Variants in ATRNL1 observed in about 807,000 individuals in gnomAD.
ATRNL1 encodes the protein attractin-like protein 1.
ATRNL1 carries 95 observed loss-of-function variants against 182.7 expected under a neutral mutation model. The observed-to-expected ratio is 0.52, with a 90% confidence interval of 0.44 to 0.62. The LOEUF (loss-of-function observed/expected upper bound fraction) is 0.62. ATRNL1 is among the 20% of genes least tolerant of loss of function. The pLI is 0.00. For missense variants in ATRNL1, 1,471 were observed against 1,679.5 expected, an observed-to-expected ratio of 0.88 and a Z score of 2.17; for synonymous variants, 576 against 568.3, an observed-to-expected ratio of 1.01 and a Z score of -0.19.
intron 9 of ATRNL1, among the ~76,000 whole-genome samples, chr10:115,239,023 G>A (rs1341645880): frequency 2.6e-5 from 4 of 152,046 alleles, no homozygotes; most frequent in Non-Finnish European, 5.9e-5. Flanking sequence ...ATGATGGATT[G>A]AATCAATTGA....
At chr10:115,457,683 G>A (rs1421013895) in intron 21 of ATRNL1, among the ~76,000 whole-genome samples, 3 of 151,992 alleles carry the variant, frequency 2.0e-5, no homozygotes, top group Non-Finnish European at 2.9e-5. Flanking sequence ...TATAAAGGGA[G>A]CTTCCAAATG....
chr10:115,760,751 G>A (rs751294337), intron 27 of ATRNL1, among the ~76,000 whole-genome samples: 10 of 152,094 alleles, frequency 6.6e-5, no homozygotes, highest in Non-Finnish European at 8.8e-5. Context: ...CAATATTTTT[G>A]TTCTACTTGT....
At chr10:115,337,762 A>G (rs1855561404) in intron 19 of ATRNL1, among the ~76,000 whole-genome samples, 1 of 152,178 alleles carries the variant, frequency 6.6e-6, no homozygotes, top group African/African-American at 2.4e-5. Flanking sequence ...TAAAAAATAT[A>G]TACCACATTT....
At chr10:115,816,688 G>A (rs990753215) in intron 27 of ATRNL1, among the ~76,000 whole-genome samples, 4 of 151,860 alleles carry the variant, frequency 2.6e-5, no homozygotes, top group Non-Finnish European at 5.9e-5. Context: ...CCTCTACTAC[G>A]CACTTTAACT....
chr10:115,492,923 G>A (rs1565100027), intron 24 of ATRNL1, among the ~76,000 whole-genome samples: 1 of 151,990 alleles, frequency 6.6e-6, no homozygotes, highest in African/African-American at 2.4e-5. Context: ...GATTACAGGC[G>A]TGAGTCACCG....
At chr10:115,531,593 A>G (rs1851586516) in intron 25 of ATRNL1, among the ~76,000 whole-genome samples, 1 of 150,072 alleles carries the variant, frequency 6.7e-6, no homozygotes, top group Non-Finnish European at 1.5e-5. Context: ...GTTCACTCTG[A>G]TGGTAGTTTC....
intron 1 of ATRNL1, among the ~76,000 whole-genome samples, chr10:115,115,311 T>G (rs1229194815): frequency 6.6e-6 from 1 of 152,088 alleles, no homozygotes; most frequent in Non-Finnish European, 1.5e-5. Context: ...TTCTATTATT[T>G]CGTTGGCGTT....
At chr10:115,527,589 A>G (rs1851288850) in intron 25 of ATRNL1, among the ~76,000 whole-genome samples, 1 of 152,110 alleles carries the variant, frequency 6.6e-6, no homozygotes, top group Admixed American at 6.5e-5. Context: ...AGTTTCAGTA[A>G]TATTTGTGTC....
chr10:115,363,446 A>C (rs1856853841), intron 19 of ATRNL1, among the ~76,000 whole-genome samples: 1 of 144,986 alleles, frequency 6.9e-6, no homozygotes, highest in African/African-American at 2.5e-5. Context: ...AGGTTGCAAA[A>C]ATTTTCTCCC....
At position 115,549,731 on chromosome 10, in the gene ATRNL1, A is replaced by G. The variant is rs557427128; in HGVS notation, c.3795+195A>G. ...ACTGTAATTTTAAGTTAGTATTTGTAAAAGCATTGGTTTGTTGCAAACAGT... is the reference window on the plus strand; with the variant it reads ...ACTGTAATTTTAAGTTAGTATTTGTGAAAGCATTGGTTTGTTGCAAACAGT... On this transcript the variant is annotated intron_variant, in intron 26 of 28. Coordinates refer to ENST00000355044, the MANE Select transcript of ATRNL1 (RefSeq NM_207303.4). Among the ~76,000 whole-genome samples the G allele has an allele frequency of 2.6e-5, 4 of 152,124 alleles. No homozygotes were observed. In the South Asian group the frequency reaches 8.3e-4, roughly 31 times the overall value.
chr10:115,116,792 A>C (rs1554870085), intron 1 of ATRNL1, among the ~76,000 whole-genome samples: 1 of 152,038 alleles, frequency 6.6e-6, no homozygotes, highest in African/African-American at 2.4e-5. Context: ...ACCTTTTTGT[A>C]GTAAGTGGAG....
rs1212309912 is a variant in ATRNL1 at position 115,586,471 on chromosome 10, C to T, written c.3795+36935C>T. Among the ~76,000 whole-genome samples, 8 of 103,244 alleles carry T rather than the reference C, an allele frequency of 7.7e-5. 1 individual carries two copies. The highest frequency in any genetic ancestry group is 5.2e-4 in the South Asian group (1 of 1,926). The allele number at this position is 103,244 out of a possible 152,430, so 67.7% of individuals were successfully genotyped here. A position where few individuals can be genotyped will look rare whatever the true frequency, so the allele number is the denominator to read the frequency against. ...TTCGTTTCTTTTTATTCTTTTTTCT[C>T]TAAACTTCCTTTCTCACTTCATTTC... On this transcript the variant is annotated intron_variant, in intron 26 of 28. Coordinates refer to ENST00000355044, the MANE Select transcript of ATRNL1 (RefSeq NM_207303.4).
intron 17 of ATRNL1, among the ~76,000 whole-genome samples, chr10:115,313,923 A>G (rs1206415710): frequency 6.6e-6 from 1 of 152,176 alleles, no homozygotes; most frequent in Non-Finnish European, 1.5e-5. Context: ...ACTTTTGAAA[A>G]CAATTAGAAT....
At chr10:115,713,675 T>TTCTATCTATCTATCTA (rs56673702) in intron 26 of ATRNL1, among the ~76,000 whole-genome samples, 1,648 of 114,260 alleles carry the variant, frequency 0.014, 14 homozygotes, top group East Asian at 0.044. Flanking sequence ...AGGTTCTGTT[T>TTCTATCTATCTATCTA]TCTATCTATC....
intron 27 of ATRNL1, among the ~76,000 whole-genome samples, chr10:115,732,403 A>G (rs1382523759): frequency 1.3e-5 from 2 of 152,204 alleles, no homozygotes; most frequent in Admixed American, 6.5e-5. Context: ...TTTGGAATCT[A>G]AAAGTGTGAG....
At chr10:115,315,806 T>A in intron 18 of ATRNL1, 70 bp downstream of exon 18, 2 of 1,311,606 alleles carry the variant, frequency 1.5e-6, no homozygotes, top group Non-Finnish European at 2.1e-6. Context: ...TTTGTTCTTA[T>A]AATAAAGAAA....
chr10:115,925,115 T>G (rs1953184581), intron 28 of ATRNL1, among the ~76,000 whole-genome samples: 1 of 152,178 alleles, frequency 6.6e-6, no homozygotes, highest in Non-Finnish European at 1.5e-5. Flanking sequence ...GAGACTTTGC[T>G]GAAGTTGCTT....
At chr10:115,146,106 A>G (rs1269289377) in intron 5 of ATRNL1, among the ~76,000 whole-genome samples, 9 of 152,014 alleles carry the variant, frequency 5.9e-5, no homozygotes, top group Non-Finnish European at 1.2e-4. Flanking sequence ...AGCAACCTGC[A>G]TTTGATAGAA....
At chr10:115,111,829 C>CT (rs1402952565) in intron 1 of ATRNL1, among the ~76,000 whole-genome samples, 1 of 152,100 alleles carries the variant, frequency 6.6e-6, no homozygotes, top group African/African-American at 2.4e-5. Flanking sequence ...TGGAGAACAT[C>CT]TTTTTCTTGT....
Sources: gnomAD v4.1 joint callset for allele counts (sites outside exome capture counted in the v4.1 genomes callset) on GRCh38, gnomAD v4.1.1 for gene constraint, MANE v1.5 for transcripts, NCBI Gene and HGNC (gene_info 2026-07-23, HGNC 2026-07-21) for gene names.